Variants in CCDC12 observed in about 807,000 individuals in gnomAD.
The protein encoded by CCDC12 is coiled-coil domain containing 12, also known as coiled-coil domain-containing protein 12.
Under a neutral mutation model 25.7 loss-of-function variants are expected in CCDC12, and 28 were observed. The ratio of observed to expected loss-of-function variants is 1.09; its 90% CI spans 0.81 to 1.50. The LOEUF is 1.50. Ranked by LOEUF, CCDC12 falls within the 40% of genes most tolerant of loss-of-function variation. The pLI, the probability that CCDC12 is intolerant of heterozygous loss-of-function variation, is 0.00. For synonymous variants in CCDC12, 75 were observed against 87.7 expected, an observed-to-expected ratio of 0.86 and a Z score of 0.81; for missense variants, 198 against 210.0, an observed-to-expected ratio of 0.94 and a Z score of 0.35.
At chr3:46,964,602 T>C (rs2034584247) in intron 1 of CCDC12, among the ~76,000 whole-genome samples, 1 of 152,194 alleles carries the variant, frequency 6.6e-6, no homozygotes, top group Admixed American at 6.5e-5. Flanking sequence ...TTTTGTTCTG[T>C]ACTAAGAAAA....
chr3:46,945,108 G>A (rs1169825409), intron 1 of CCDC12, among the ~76,000 whole-genome samples: 1 of 152,202 alleles, frequency 6.6e-6, no homozygotes, highest in Non-Finnish European at 1.5e-5. Context: ...GTAGGCCCAG[G>A]GCACAGGCCT....
intron 1 of CCDC12, among the ~76,000 whole-genome samples, chr3:46,959,118 TAAAC>T (rs1182533174): frequency 2.0e-5 from 3 of 152,158 alleles, no homozygotes; most frequent in Admixed American, 6.5e-5. Flanking sequence ...AAACCAAATT[TAAAC>T]AAGTCAGAAC....
At chr3:46,953,555 C>T (rs1051049938) in intron 1 of CCDC12, among the ~76,000 whole-genome samples, 4 of 151,962 alleles carry the variant, frequency 2.6e-5, no homozygotes, top group Non-Finnish European at 5.9e-5. Context: ...ATTCTCTTGA[C>T]CCTCACCTGG....
At chr3:46,922,188 G>C (rs773707412) in intron 6 of CCDC12, 48 bp downstream of exon 6, 6 of 1,614,026 alleles carry the variant, frequency 3.7e-6, no homozygotes, top group Non-Finnish European at 5.1e-6. Context: ...CGGTGCTTGG[G>C]CCACCACCCA....
At chr3:46,941,702 G>A (rs566769822) in intron 1 of CCDC12, among the ~76,000 whole-genome samples, 5 of 152,272 alleles carry the variant, frequency 3.3e-5, no homozygotes, top group East Asian at 1.9e-4. Context: ...GCCATGGAGG[G>A]GCCATGCTGG....
chr3:46,941,514 G>A (rs552611033), intron 1 of CCDC12, among the ~76,000 whole-genome samples: 38 of 151,244 alleles, frequency 2.5e-4, no homozygotes, highest in African/African-American at 8.7e-4. Context: ...GCAGTGAGCC[G>A]AGATCAAGCC....
chr3:46,941,696 T>A (rs1281135149), intron 1 of CCDC12, among the ~76,000 whole-genome samples: 3 of 152,138 alleles, frequency 2.0e-5, no homozygotes, highest in Non-Finnish European at 4.4e-5. Flanking sequence ...CTTGGTGCCA[T>A]GGAGGGGCCA....
rs2033226135 is a variant in CCDC12 at position 46,931,760 on chromosome 3, G to A, written c.165-6225C>T. Among the ~76,000 whole-genome samples the A allele has an allele frequency of 2.6e-5, 4 of 152,224 alleles. No individual in the cohort carries two copies. The South Asian group carries it at 8.3e-4, about 32-fold the overall frequency. On this transcript the variant is annotated intron_variant, in intron 2 of 6. Transcript: ENST00000683445. ...GAACTGCTGTGAGGCACTCCTCCTA[G>A]TAACAGACCACAGGGAAGGCCACGC...
chr3:46,968,508 C>T (rs1256333201), intron 1 of CCDC12, among the ~76,000 whole-genome samples: 1 of 152,234 alleles, frequency 6.6e-6, no homozygotes. Context: ...TAGACAGCAT[C>T]TTTCTCTGTT....
At chr3:46,976,401 C>T (rs1288600200) in intron 1 of CCDC12, 3 of 1,410,816 alleles carry the variant, frequency 2.1e-6, no homozygotes, top group Non-Finnish European at 2.8e-6. Flanking sequence ...GGGTCGCTGA[C>T]CACTGCCTTG....
intron 5 of CCDC12, chr3:46,922,696 C>T: frequency 3.1e-6 from 1 of 325,322 alleles, no homozygotes; most frequent in Non-Finnish European, 5.8e-6. Context: ...CTGTGGGCAC[C>T]CAGAAGTGCA....
chr3:46,962,869 C>G (rs1015084539), intron 1 of CCDC12, among the ~76,000 whole-genome samples: 24 of 152,268 alleles, frequency 1.6e-4, no homozygotes, highest in Non-Finnish European at 3.1e-4. Context: ...GGCATAGATC[C>G]TACAGATGGG....
At chr3:46,976,286 G>A (rs943937389) in intron 1 of CCDC12, 2 of 1,131,756 alleles carry the variant, frequency 1.8e-6, no homozygotes, top group Non-Finnish European at 1.1e-6. Context: ...CTAGGCCATA[G>A]AGGAACGGAA....
chr3:46,965,265 C>T lies in CCDC12; in HGVS notation c.96+11372G>A, dbSNP rs534445617. 2.0e-5 allele frequency among the ~76,000 whole-genome samples: 3 copies of T among 152,350 alleles called. No individual in the cohort carries two copies. In the South Asian group the frequency reaches 6.2e-4, roughly 32 times the overall value. ...CCTTTGCTTTCCAATTCCCTGCCCC[C>T]TATCAGTGAGGCCTGGGGAACACAA... On this transcript the variant is annotated intron_variant, in intron 1 of 6. Transcript: ENST00000683445.
At chr3:46,953,308 T>C (rs893747575) in intron 1 of CCDC12, among the ~76,000 whole-genome samples, 2 of 152,084 alleles carry the variant, frequency 1.3e-5, no homozygotes, top group Admixed American at 1.3e-4. Flanking sequence ...GAGGCAGCAC[T>C]ATGCAACAGA....
At chr3:46,945,507 T>A (rs1224347385) in intron 1 of CCDC12, among the ~76,000 whole-genome samples, 1 of 152,234 alleles carries the variant, frequency 6.6e-6, no homozygotes. Context: ...AATACAGCCC[T>A]GCTCAGGACA....
At chr3:46,948,747 T>C (rs898833665) in intron 1 of CCDC12, among the ~76,000 whole-genome samples, 37 of 152,366 alleles carry the variant, frequency 2.4e-4, no homozygotes, top group African/African-American at 8.7e-4. Flanking sequence ...GCATGCCTAG[T>C]GCAGCTCCTC....
At chr3:46,976,545 T>C in intron 1 of CCDC12, 92 bp downstream of exon 1, 2 of 1,491,720 alleles carry the variant, frequency 1.3e-6, no homozygotes, top group Non-Finnish European at 8.9e-7. Context: ...TCGGCAGCTG[T>C]CTTTCCTTAT....
intron 1 of CCDC12, among the ~76,000 whole-genome samples, chr3:46,968,384 G>A (rs538897317): frequency 3.2e-4 from 48 of 152,226 alleles, no homozygotes; most frequent in Middle Eastern, 3.4e-3. Flanking sequence ...GTCACCCAGC[G>A]GAGAAGGCTG....
Sources: gnomAD v4.1 joint callset for allele counts (sites outside exome capture counted in the v4.1 genomes callset) on GRCh38, gnomAD v4.1.1 for gene constraint, MANE v1.5 for transcripts, NCBI Gene and HGNC (gene_info 2026-07-23, HGNC 2026-07-21) for gene names.